Variants in RIBC2 observed in about 807,000 individuals in gnomAD.
The protein encoded by RIBC2 is RIB43A-like with coiled-coils protein 2.
A neutral mutation model predicts 44.3 loss-of-function variants in RIBC2; 40 were observed. The observed-to-expected ratio is 0.90, with a 90% CI of 0.70 to 1.18. The LOEUF (loss-of-function observed/expected upper bound fraction) is 1.18. Ranked by LOEUF, RIBC2 falls within the 50% of genes most tolerant of loss-of-function variation. The pLI, the probability that RIBC2 is intolerant of heterozygous loss-of-function variation, is 0.00. For synonymous variants in RIBC2, 171 were observed against 175.0 expected, an observed-to-expected ratio of 0.98 and a Z score of 0.18; for missense variants, 459 against 485.5, an observed-to-expected ratio of 0.95 and a Z score of 0.51.
In RIBC2 at chr22:45,418,133, G is replaced by T. The variant is rs1031197984; in HGVS notation, c.556+187G>T. The T allele has an allele frequency of 8.4e-6, 4 of 474,206 alleles. No homozygotes were observed. In the Admixed American group the frequency reaches 1.5e-4, roughly 18 times the overall value. The allele number at this position is 474,206 out of a possible 1,614,324, so 29.4% of individuals were successfully genotyped here. On this transcript the variant is annotated intron_variant, in intron 3 of 6. Transcript: ENST00000614167. Reference sequence around the variant, plus strand: ...GCCACATGCTACTTTGGCCCTGTGGGGAAAGAAAAGTCAGAGCCTGCCCTC... The same window carrying T: ...GCCACATGCTACTTTGGCCCTGTGGTGAAAGAAAAGTCAGAGCCTGCCCTC...
At chr22:45,430,714 C>A (rs1292809027) in intron 5 of RIBC2, among the ~76,000 whole-genome samples, 186 bp from the exon 6 acceptor site, 1 of 152,048 alleles carries the variant, frequency 6.6e-6, no homozygotes, top group Non-Finnish European at 1.5e-5. Context: ...GGCAGCTGGG[C>A]CACATGGAAT....
chr22:45,422,465 C>T (rs972234109), intron 4 of RIBC2, 57 bp downstream of exon 4: 36 of 1,265,692 alleles, frequency 2.8e-5, no homozygotes, highest in South Asian at 9.6e-5. Context: ...GAGCCCACTA[C>T]GGCTTCCCAA....
intron 6 of RIBC2, among the ~76,000 whole-genome samples, chr22:45,432,011 G>T (rs2281013): frequency 0.61 from 92,483 of 152,000 alleles, 30,129 homozygotes; most frequent in African/African-American, 0.85. Flanking sequence ...ATCAAACAGG[G>T]TGAACACCCA....
intron 2 of RIBC2, 91 bp downstream of exon 2, chr22:45,414,494 T>A (rs1037411062): frequency 2.6e-6 from 2 of 765,422 alleles, no homozygotes; most frequent in Admixed American, 3.4e-5. Context: ...CCGCCTTTTT[T>A]TTTTTATTTT....
intron 5 of RIBC2, among the ~76,000 whole-genome samples, chr22:45,430,094 A>C (rs374646298): frequency 1.3e-5 from 2 of 152,180 alleles, no homozygotes; most frequent in South Asian, 2.1e-4. Context: ...ACTGAGGTTC[A>C]TGAGAGCAGG....
chr22:45,417,586 G>T lies in RIBC2; in HGVS notation c.212-16G>T. On this transcript the variant is annotated splice_polypyrimidine_tract_variant and intron_variant, in intron 2 of 6. Coordinates refer to ENST00000614167, the MANE Select transcript of RIBC2 (RefSeq NM_015653.5). ...CTCTGAATCCTAAGCTTATGGATAT[G>T]CTGTATCTCTTCCAGCTGCTGAAAT... 6.3e-7 allele frequency: 1 copy of T among 1,578,826 alleles called. No homozygotes were observed. Among genetic ancestry groups the T allele is most frequent in the Non-Finnish European group, 8.7e-7 (1 of 1,149,196 alleles).
chr22:45,418,576 C>T (rs557368091), intron 3 of RIBC2, among the ~76,000 whole-genome samples: 3 of 152,280 alleles, frequency 2.0e-5, no homozygotes, highest in Non-Finnish European at 2.9e-5. Context: ...ACTTCTGTGC[C>T]GGAAAGACCG....
Position 45,413,882 on chromosome 22 carries a change from T to A in RIBC2, c.-5T>A. 1 of 1,549,488 alleles carries A rather than the reference T, an allele frequency of 6.5e-7. No individual in the cohort carries two copies. Among genetic ancestry groups the A allele is most frequent in the Non-Finnish European group, 8.7e-7 (1 of 1,145,620 alleles). The stretch of plus-strand genomic sequence containing the variant: ...TGCGTGTTCTAAAAACCCCTTAGGC[T>A]TTCCATGGGTTCCCAGACCATGGCG... On this transcript the variant is annotated 5_prime_UTR_variant, in exon 1 of 7. Transcript: ENST00000614167.
intron 3 of RIBC2, among the ~76,000 whole-genome samples, chr22:45,421,545 TA>T (rs879833299): frequency 0.51 from 58,254 of 113,564 alleles, 13,714 homozygotes; most frequent in African/African-American, 0.7. Context: ...TTAATAATAT[TA>T]ATAATAATAA....
intron 3 of RIBC2, among the ~76,000 whole-genome samples, chr22:45,420,650 G>A (rs2087468997): frequency 6.6e-6 from 1 of 152,108 alleles, no homozygotes; most frequent in East Asian, 1.9e-4. Context: ...GGTACCTCCT[G>A]CCCTTAAACC....
chr22:45,416,906 T>G (rs957986615), intron 2 of RIBC2, among the ~76,000 whole-genome samples: 7 of 150,342 alleles, frequency 4.7e-5, no homozygotes, highest in Admixed American at 2.6e-4. Context: ...CAGGTTTTTT[T>G]TTTTTTTTTT....
chr22:45,418,690 G>C (rs2087449777), intron 3 of RIBC2, among the ~76,000 whole-genome samples: 1 of 152,150 alleles, frequency 6.6e-6, no homozygotes, highest in Admixed American at 6.5e-5. Context: ...GCACAGAGAG[G>C]AATGCACTCC....
intron 4 of RIBC2, among the ~76,000 whole-genome samples, chr22:45,423,384 T>C (rs1011801567): frequency 1.3e-5 from 2 of 152,096 alleles, no homozygotes; most frequent in African/African-American, 2.4e-5. Context: ...CTGGGTTCAT[T>C]GATCAGGTTC....
rs1337532672 is a variant in RIBC2, at chr22:45,413,877, T to C, written c.-10T>C. 2 of 1,548,690 alleles carry C rather than the reference T, an allele frequency of 1.3e-6. No individual in the cohort carries two copies. Among genetic ancestry groups the C allele is most frequent in the East Asian group, 2.4e-5 (1 of 40,834 alleles). ...GATCCTGCGTGTTCTAAAAACCCCT[T>C]AGGCTTTCCATGGGTTCCCAGACCA... On this transcript the variant is annotated 5_prime_UTR_variant, in exon 1 of 7. Coordinates refer to ENST00000614167, the MANE Select transcript of RIBC2 (RefSeq NM_015653.5).
chr22:45,417,755 C>A lies in RIBC2; in HGVS notation c.365C>A (p.Ala122Asp). ...RREFDLSDPL[A>D]LKKDLPARQS... ...GAATTTGATCTGTCCGACCCCCTAGCCCTTAAGAAAGATCTTCCAGCCCGG... is the reference window on the plus strand; with the variant it reads ...GAATTTGATCTGTCCGACCCCCTAGACCTTAAGAAAGATCTTCCAGCCCGG... The change falls in exon 3 of 7, where the codon GCC (alanine) becomes GAC (aspartate). Residue 122 changes from alanine (A) to aspartate (D), a missense_variant. Physicochemically the swap from Ala to Asp is moderately radical, Grantham distance 126. Transcript: ENST00000614167. 1 of 1,614,098 alleles carries A rather than the reference C, an allele frequency of 6.2e-7. No homozygotes were observed. The highest frequency in any genetic ancestry group is 1.3e-5 in the African/African-American group (1 of 75,016).
intron 3 of RIBC2, among the ~76,000 whole-genome samples, chr22:45,419,542 C>T (rs1022100100): frequency 1.3e-5 from 2 of 151,806 alleles, no homozygotes; most frequent in African/African-American, 4.8e-5. Context: ...AAGGCCAGCC[C>T]GGGCAACAAA....
chr22:45,418,046 T>G, intron 3 of RIBC2, 100 bp downstream of exon 3: 1 of 894,826 alleles, frequency 1.1e-6, no homozygotes, highest in East Asian at 2.7e-5. Flanking sequence ...TTTTTTTTTT[T>G]TTTTAAGCAA....
intron 5 of RIBC2, among the ~76,000 whole-genome samples, chr22:45,429,198 C>A (rs2087558345): frequency 1.3e-5 from 2 of 152,136 alleles, no homozygotes; most frequent in South Asian, 2.1e-4. Context: ...CCGGGTGGGG[C>A]CTGCAGTCTG....
intron 3 of RIBC2, among the ~76,000 whole-genome samples, chr22:45,420,458 T>G (rs2087467380): frequency 1.3e-5 from 2 of 152,158 alleles, no homozygotes; most frequent in African/African-American, 4.8e-5. Context: ...TGTTGTATGG[T>G]TCATCCATCT....
Sources: gnomAD v4.1 joint callset for allele counts (sites outside exome capture counted in the v4.1 genomes callset) on GRCh38, gnomAD v4.1.1 for gene constraint, MANE v1.5 for transcripts, NCBI Gene and HGNC (gene_info 2026-07-23, HGNC 2026-07-21) for gene names.